MYT1L: variants seen among roughly 807,000 people sequenced by gnomAD.
MYT1L encodes the protein myelin transcription factor 1-like protein.
MYT1L carries 12 observed loss-of-function variants against 126.7 expected under a neutral mutation model. That is an observed-to-expected ratio of 0.09 (90% CI 0.06 to 0.15). MYT1L has a LOEUF of 0.15. MYT1L is among the 10% of genes least tolerant of loss of function. The probability of loss-of-function intolerance (pLI) is 1.00; values close to 1 mark genes in which losing one functional copy is unlikely to be tolerated. For synonymous variants in MYT1L, 541 were observed against 604.2 expected, an observed-to-expected ratio of 0.90 and a Z score of 1.53; for missense variants, 979 against 1,585.2, an observed-to-expected ratio of 0.62 and a Z score of 6.49.
At chr2:2,092,534 T>C (rs545689973) in intron 3 of MYT1L, among the ~76,000 whole-genome samples, 8 of 152,260 alleles carry the variant, frequency 5.3e-5, no homozygotes, top group African/African-American at 1.7e-4. Context: ...CAAGTGCTGT[T>C]GGAAAAAATG....
chr2:1,979,369 C>G lies in MYT1L; in HGVS notation c.90-142G>C. 1 of 1,104,302 alleles carries G rather than the reference C, an allele frequency of 9.1e-7. No homozygotes were observed. Among genetic ancestry groups the G allele is most frequent in the Non-Finnish European group, 1.4e-6 (1 of 736,410 alleles). The allele number at this position is 1,104,302 out of a possible 1,614,324, so 68.4% of individuals were successfully genotyped here. On this transcript the variant is annotated intron_variant, in intron 7 of 24. Coordinates refer to ENST00000647738, the MANE Select transcript of MYT1L (RefSeq NM_001303052.2). This position sits in a 1 kb window ranked among gnomAD's most constrained non-coding sequence, Gnocchi z 4.0. ...CAAAGGAGGGGGAAATTCGGGGAGG[C>G]TTTTTACGAGCAAGTCTCGGGGGAA...
intron 19 of MYT1L, among the ~76,000 whole-genome samples, chr2:1,843,244 T>C (rs934629134): frequency 3.9e-5 from 6 of 152,200 alleles, no homozygotes; most frequent in African/African-American, 1.4e-4. Flanking sequence ...GCTCACACGG[T>C]TCTCTCCTCT....
chr2:1,916,905 T>C (rs2052919624), intron 11 of MYT1L, among the ~76,000 whole-genome samples: 1 of 152,180 alleles, frequency 6.6e-6, no homozygotes, highest in East Asian at 1.9e-4. Flanking sequence ...CGAGAAAAGA[T>C]GCCTGGAAGC....
intron 3 of MYT1L, among the ~76,000 whole-genome samples, chr2:2,088,676 G>A (rs1357676900): frequency 1.3e-5 from 2 of 152,124 alleles, no homozygotes; most frequent in Non-Finnish European, 1.5e-5. Context: ...TAAAAAATAT[G>A]TAATTTTCCT....
chr2:2,228,181 A>G lies in MYT1L; in HGVS notation c.-420-55193T>C, dbSNP rs950844210. ...TATAATCATTACCTACATAAAAGAC[A>G]GGGCAAGGGGGTGATTCTGTAATAT... On this transcript the variant is annotated intron_variant, in intron 2 of 24. Transcript: ENST00000647738. The surrounding 1 kb of genome is among the most constrained non-coding windows in gnomAD (Gnocchi z 5.9). Among the ~76,000 whole-genome samples the G allele has an allele frequency of 3.3e-5, 5 of 152,210 alleles. No homozygotes were observed. Among genetic ancestry groups the G allele is most frequent in the African/African-American group, 1.2e-4 (5 of 41,456 alleles).
Position 1,903,125 on chromosome 2 carries a change from G to A in MYT1L, c.1987C>T (p.Pro663Ser). ...GATATATCCCTGGTTTGCACCTTGG[G>A]AGCTATGGCTCGCTTGCCATAAGTA... ...NHTYGKRAIA[P>S]KVQTRDISPK... is the part of the protein sequence containing the mutation. The change falls in exon 14 of 25, where the codon CCC becomes TCC. Residue 663 changes from proline (P) to serine (S), a missense_variant. Around this residue, in one of 12 missense-constraint regions of MYT1L, gnomAD observed 82 missense variants for 177.2 expected, o/e 0.46. Transcript: ENST00000647738. The A allele has an allele frequency of 6.2e-7, 1 of 1,614,002 alleles. No homozygotes were observed.
Position 1,793,218 on chromosome 2 carries a change from C to T in MYT1L, c.3277-754G>A, listed in dbSNP as rs13395528. Among the ~76,000 whole-genome samples, 3,324 of 152,288 alleles carry T rather than the reference C, an allele frequency of 0.022. 117 individuals are homozygous for T. Among genetic ancestry groups the T allele is most frequent in the African/African-American group, 0.075 (3,109 of 41,542 alleles). On this transcript the variant is annotated intron_variant, in intron 23 of 24. Transcript: ENST00000647738. This position sits in a 1 kb window ranked among gnomAD's most constrained non-coding sequence, Gnocchi z 4.6. ...CTAAGGAAAAAGGCCCACCACGGAC[C>T]CTTCCTCGCATATTCCAGAGATAAT... is the stretch of plus-strand genomic sequence containing the variant.
In MYT1L at chr2:1,811,817, G is replaced by A. The variant is rs996300516; in HGVS notation, c.3081-2650C>T. 1.3e-5 allele frequency among the ~76,000 whole-genome samples: 2 copies of A among 151,982 alleles called. No individual in the cohort carries two copies. The highest frequency in any genetic ancestry group is 1.9e-4 in the East Asian group (1 of 5,174). On this transcript the variant is annotated intron_variant, in intron 21 of 24. Transcript: ENST00000647738. This position sits in a 1 kb window ranked among gnomAD's most constrained non-coding sequence, Gnocchi z 4.4. The stretch of plus-strand genomic sequence containing the variant: ...GGGCCTGGGCAACAACCTGGCAGTC[G>A]TCCCCACTCCGGGGCACCCTCCTGG...
intron 3 of MYT1L, among the ~76,000 whole-genome samples, chr2:2,113,049 G>A (rs959897254): frequency 1.3e-5 from 2 of 152,220 alleles, no homozygotes; most frequent in Admixed American, 1.3e-4. Flanking sequence ...TAAGGAGGGT[G>A]CTGATGACCA....
Position 1,801,436 on chromosome 2 carries a change from T to C in MYT1L, c.3276+260A>G. On this transcript the variant is annotated intron_variant, in intron 23 of 24. Coordinates refer to ENST00000647738, the MANE Select transcript of MYT1L (RefSeq NM_001303052.2). The surrounding 1 kb of genome is among the most constrained non-coding windows in gnomAD (Gnocchi z 4.2). ...GCAGGAACAGGCGATCCTCTGAAAA[T>C]GCCTATTCACAAATGCACTTTATTA... 2.7e-6 allele frequency: 1 copy of C among 366,792 alleles called. No homozygotes were observed. Among genetic ancestry groups the C allele is most frequent in the South Asian group, 7.3e-5 (1 of 13,782 alleles). The allele number at this position is 366,792 out of a possible 1,614,324, so 22.7% of individuals were successfully genotyped here. A position where few individuals can be genotyped will look rare whatever the true frequency, so the allele number is the denominator to read the frequency against.
chr2:2,104,106 T>C (rs1418539651), intron 3 of MYT1L, among the ~76,000 whole-genome samples: 2 of 152,218 alleles, frequency 1.3e-5, no homozygotes, highest in Non-Finnish European at 2.9e-5. Flanking sequence ...GTTACATTCA[T>C]GAACATGAGA....
intron 4 of MYT1L, among the ~76,000 whole-genome samples, chr2:2,022,477 C>T (rs2065133896): frequency 6.6e-6 from 1 of 152,002 alleles, no homozygotes; most frequent in African/African-American, 2.4e-5. Context: ...CAAATTCTAC[C>T]TTTAAATGAT....
chr2:2,144,355 G>A (rs1575469256), intron 3 of MYT1L, among the ~76,000 whole-genome samples: 1 of 152,136 alleles, frequency 6.6e-6, no homozygotes, highest in African/African-American at 2.4e-5. Flanking sequence ...CTCATCTCAC[G>A]TTTCCACCTG....
intron 3 of MYT1L, among the ~76,000 whole-genome samples, chr2:2,161,820 A>T (rs190258973): frequency 1.3e-5 from 2 of 152,264 alleles, no homozygotes; most frequent in Non-Finnish European, 2.9e-5. Flanking sequence ...ACTTATTAAA[A>T]TTTTTTATAT....
At chr2:2,071,865 G>A (rs758754680) in intron 3 of MYT1L, among the ~76,000 whole-genome samples, 51 of 152,308 alleles carry the variant, frequency 3.3e-4, no homozygotes, top group Non-Finnish European at 6.3e-4. Flanking sequence ...AGGCTCAGGC[G>A]TGAGAACAGA....
chr2:2,129,799 G>C (rs182447435), intron 3 of MYT1L, among the ~76,000 whole-genome samples: 5 of 151,794 alleles, frequency 3.3e-5, no homozygotes, highest in Non-Finnish European at 7.4e-5. Flanking sequence ...CCAGCTACTC[G>C]GGAGGCTGAG....
chr2:2,155,584 T>C (rs955872488), intron 3 of MYT1L, among the ~76,000 whole-genome samples: 3 of 152,148 alleles, frequency 2.0e-5, no homozygotes, highest in African/African-American at 7.2e-5. Context: ...TGAACCCAGG[T>C]CTTGCTAAAT....
intron 3 of MYT1L, among the ~76,000 whole-genome samples, chr2:2,087,061 A>G (rs1485768065): frequency 6.6e-6 from 1 of 152,198 alleles, no homozygotes; most frequent in Non-Finnish European, 1.5e-5. Context: ...ATGTCAGCCC[A>G]GGCTGACCCC....
intron 19 of MYT1L, 55 bp from the exon 20 acceptor site, chr2:1,840,898 TTCTTTC>T: frequency 6.9e-6 from 7 of 1,017,658 alleles, no homozygotes; most frequent in African/African-American, 4.0e-5. Context: ...TCAGTGAGCT[TTCTTTC>T]TTTTTTTTTT....
Sources: allele counts gnomAD v4.1 joint callset (sites outside exome capture counted in the v4.1 genomes callset), GRCh38; gene constraint gnomAD v4.1.1; regional missense constraint gnomAD v4.1.1; non-coding constraint Gnocchi (gnomAD v3.1); transcripts MANE v1.5; gene names NCBI Gene and HGNC (gene_info 2026-07-23, HGNC 2026-07-21).